Variants in SOX6 observed in about 807,000 individuals in gnomAD.
SOX6 encodes the protein SRY-box transcription factor 6.
SOX6 carries 11 observed loss-of-function variants against 97.8 expected under a neutral mutation model. That is an observed-to-expected ratio of 0.11 (90% CI 0.07 to 0.19). The LOEUF is 0.19. SOX6 is among the 10% of genes least tolerant of loss of function. The pLI is 1.00. For missense variants in SOX6, 810 were observed against 1,039.5 expected (o/e 0.78, Z 3.04); for synonymous variants, 360 against 371.4 (o/e 0.97, Z 0.35).
At chr11:16,325,340 C>T (rs769377046) in intron 2 of SOX6, among the ~76,000 whole-genome samples, 1 of 152,082 alleles carries the variant, frequency 6.6e-6, no homozygotes, top group Admixed American at 6.6e-5. Flanking sequence ...CACAAACATA[C>T]ACAAACTGGA....
chr11:16,465,626 T>C (rs755934952), intron 1 of SOX6: 10 of 152,170 alleles, frequency 6.6e-5, no homozygotes, highest in Non-Finnish European at 1.2e-4. Context: ...GAGACTTGGG[T>C]TCCATTAATG....
chr11:15,982,964 T>C (rs754584570), intron 15 of SOX6, among the ~76,000 whole-genome samples: 1 of 151,912 alleles, frequency 6.6e-6, no homozygotes, highest in Non-Finnish European at 1.5e-5. Flanking sequence ...TCCCTCTACA[T>C]TAATAGTAGA....
At chr11:16,389,489 G>A (rs972256533) in intron 1 of SOX6, among the ~76,000 whole-genome samples, 4 of 151,472 alleles carry the variant, frequency 2.6e-5, no homozygotes, top group Admixed American at 2.6e-4. Context: ...TTCAGATATC[G>A]TTTTTTTAAG....
At chr11:16,557,659 C>T (rs1289587751) in intron 4 of SOX6, among the ~76,000 whole-genome samples, 1 of 151,736 alleles carries the variant, frequency 6.6e-6, no homozygotes, top group East Asian at 1.9e-4. Context: ...TTCTCACCTG[C>T]AACTGTTAAC....
intron 3 of SOX6, among the ~76,000 whole-genome samples, chr11:16,634,833 T>C (rs1590023905): frequency 6.6e-6 from 1 of 152,062 alleles, no homozygotes; most frequent in Non-Finnish European, 1.5e-5. Flanking sequence ...CAGTGAGGGG[T>C]AATCGAATCA....
At chr11:16,322,308 T>C (rs988494774) in intron 2 of SOX6, among the ~76,000 whole-genome samples, 1 of 152,066 alleles carries the variant, frequency 6.6e-6, no homozygotes, top group Non-Finnish European at 1.5e-5. Context: ...TCATGAGATC[T>C]GGTTGTTAAA....
At chr11:16,230,131 T>A (rs960308699) in intron 4 of SOX6, among the ~76,000 whole-genome samples, 1 of 151,852 alleles carries the variant, frequency 6.6e-6, no homozygotes, top group Non-Finnish European at 1.5e-5. Context: ...GTTATTTTAA[T>A]AGACCAAACT....
chr11:15,993,104 A>C (rs1854105833), intron 13 of SOX6, among the ~76,000 whole-genome samples: 1 of 152,198 alleles, frequency 6.6e-6, no homozygotes, highest in Non-Finnish European at 1.5e-5. Context: ...TGTGTGTATA[A>C]ATTCAGAAAT....
intron 4 of SOX6, among the ~76,000 whole-genome samples, chr11:16,534,246 G>A (rs1434620769): frequency 6.6e-6 from 1 of 152,078 alleles, no homozygotes. Context: ...ATTCTCAAAT[G>A]AGCACTTCTT....
chr11:16,396,091 C>T (rs141743222), intron 1 of SOX6, among the ~76,000 whole-genome samples: 5 of 151,720 alleles, frequency 3.3e-5, no homozygotes, highest in Middle Eastern at 6.8e-3. Context: ...AGCCTTTATT[C>T]GCTAGACTTT....
At chr11:16,683,339 A>G (rs1318321886) in intron 3 of SOX6, among the ~76,000 whole-genome samples, 4 of 152,122 alleles carry the variant, frequency 2.6e-5, no homozygotes, top group Admixed American at 6.6e-5. Context: ...AAACTATACT[A>G]CAAGGCTATA....
intron 4 of SOX6, among the ~76,000 whole-genome samples, chr11:16,230,047 A>T (rs1250799499): frequency 6.6e-6 from 1 of 151,870 alleles, no homozygotes; most frequent in East Asian, 1.9e-4. Context: ...CTATACCACG[A>T]CTAATCAGGG....
chr11:16,469,182 A>C (rs1485509690), intron 1 of SOX6, among the ~76,000 whole-genome samples: 2 of 152,148 alleles, frequency 1.3e-5, no homozygotes, highest in East Asian at 3.9e-4. Flanking sequence ...TGCCAGTAAA[A>C]TGGTTTAATG....
intron 9 of SOX6, among the ~76,000 whole-genome samples, chr11:16,061,428 G>C (rs1362566180): frequency 6.6e-6 from 1 of 151,634 alleles, no homozygotes; most frequent in Non-Finnish European, 1.5e-5. Context: ...CAATGGTCAT[G>C]GATTAGAAGA....
At chr11:16,355,230 A>C (rs933970181) in intron 1 of SOX6, among the ~76,000 whole-genome samples, 1 of 152,050 alleles carries the variant, frequency 6.6e-6, no homozygotes, top group African/African-American at 2.4e-5. Flanking sequence ...CAAACTCACA[A>C]ACAATAAGGT....
chr11:16,465,656 G>A (rs535225563), intron 1 of SOX6: 5 of 152,240 alleles, frequency 3.3e-5, no homozygotes, highest in South Asian at 2.1e-4. Flanking sequence ...AATTATCTAC[G>A]ATGTCAGGAT....
intron 13 of SOX6, among the ~76,000 whole-genome samples, chr11:15,991,961 C>T (rs1050570936): frequency 6.6e-6 from 1 of 152,138 alleles, no homozygotes; most frequent in East Asian, 1.9e-4. Flanking sequence ...CAAGTCTGAC[C>T]TCTACCCTGC....
At position 15,966,499 on chromosome 11, in the gene SOX6, A is replaced by C. The variant is rs896164249; in HGVS notation, c.*6310T>G. 2 of 152,304 alleles carry C rather than the reference A, an allele frequency of 1.3e-5. No individual in the cohort carries two copies. The highest frequency in any genetic ancestry group is 4.8e-5 in the African/African-American group (2 of 41,468). 9.4% of individuals were successfully genotyped at this position (152,304 alleles called of 1,614,324 possible). Reference sequence around the variant, plus strand: ...TTGTAAGTGTCAACAGCAGTACAAAAGATGGAGTGATGACAACTAGATTAG... The same window carrying C: ...TTGTAAGTGTCAACAGCAGTACAAACGATGGAGTGATGACAACTAGATTAG... On this transcript the variant is annotated 3_prime_UTR_variant, in exon 16 of 16. Transcript: ENST00000683767.
intron 4 of SOX6, among the ~76,000 whole-genome samples, chr11:16,223,455 A>G (rs1014482110): frequency 2.0e-5 from 3 of 152,092 alleles, no homozygotes; most frequent in Admixed American, 1.3e-4. Flanking sequence ...TCTCAGATTC[A>G]TATTATTCTG....
Sources: allele counts gnomAD v4.1 joint callset (sites outside exome capture counted in the v4.1 genomes callset), GRCh38; gene constraint gnomAD v4.1.1; transcripts MANE v1.5; gene names NCBI Gene and HGNC (gene_info 2026-07-23, HGNC 2026-07-21).